Variants in NBEA observed in about 807,000 individuals in gnomAD.
The protein encoded by NBEA is lysosomal-trafficking regulator 2.
In NBEA, 44 loss-of-function variants were observed where a neutral mutation model predicts 343.4. The ratio of observed to expected loss-of-function variants is 0.13; its 90% CI spans 0.10 to 0.16. NBEA has a LOEUF of 0.16. NBEA is among the 10% of genes least tolerant of loss of function. NBEA has a pLI of 1.00. For missense variants in NBEA, 2,555 were observed against 3,631.3 expected (o/e 0.70, Z 7.62); for synonymous variants, 1,175 against 1,238.7 (o/e 0.95, Z 1.08).
Position 35,323,885 on chromosome 13 carries a change from G to A in NBEA, c.5903+14293G>A, listed in dbSNP as rs538867695. Among the ~76,000 whole-genome samples the A allele has an allele frequency of 1.9e-4, 29 of 152,094 alleles. No individual in the cohort carries two copies. In the East Asian group the frequency reaches 5.6e-3, roughly 29 times the overall value. On this transcript the variant is annotated intron_variant, in intron 36 of 58. Transcript: ENST00000379939. ...CCTATTTTGGTGTATTCATTTCTAT[G>A]CCATATTTTTCCATTTCTTATTTCT...
chr13:35,612,359 C>T (rs891282914), intron 48 of NBEA, among the ~76,000 whole-genome samples: 3 of 152,034 alleles, frequency 2.0e-5, no homozygotes, highest in African/African-American at 7.2e-5. Context: ...GTCTCGATCT[C>T]CTGACCTCAT....
At chr13:35,106,100 A>G (rs563874743) in intron 11 of NBEA, among the ~76,000 whole-genome samples, 17 of 151,996 alleles carry the variant, frequency 1.1e-4, no homozygotes, top group African/African-American at 3.9e-4. Context: ...GCCATGTCAC[A>G]TATAGTACTT....
chr13:35,636,814 C>G (rs565582516), intron 49 of NBEA, among the ~76,000 whole-genome samples: 154 of 152,316 alleles, frequency 1.0e-3, no homozygotes, highest in Non-Finnish European at 2.0e-3. Context: ...AACCAGAAAC[C>G]TGGAAGAATC....
At chr13:35,618,842 G>A (rs1456649564) in intron 48 of NBEA, among the ~76,000 whole-genome samples, 1 of 151,990 alleles carries the variant, frequency 6.6e-6, no homozygotes, top group South Asian at 2.1e-4. Flanking sequence ...TTTAGAAAAA[G>A]GCCCTTTCAC....
intron 38 of NBEA, among the ~76,000 whole-genome samples, chr13:35,391,502 T>C (rs768016070): frequency 4.4e-4 from 67 of 152,302 alleles, no homozygotes; most frequent in Non-Finnish European, 8.1e-4. Flanking sequence ...TGAAGATGGT[T>C]AAAGATTTAC....
At chr13:35,133,542 A>G (rs1046898746) in intron 17 of NBEA, among the ~76,000 whole-genome samples, 1 of 152,106 alleles carries the variant, frequency 6.6e-6, no homozygotes, top group Non-Finnish European at 1.5e-5. Context: ...TAACATTGCT[A>G]ATATTAAAAG....
At chr13:35,613,733 A>T (rs904635506) in intron 48 of NBEA, among the ~76,000 whole-genome samples, 3 of 151,738 alleles carry the variant, frequency 2.0e-5, no homozygotes, top group African/African-American at 7.3e-5. Flanking sequence ...TGATCCTCCC[A>T]CCTCAGCCTC....
chr13:35,183,920 C>T, intron 29 of NBEA, 56 bp from the exon 30 acceptor site: 1 of 1,257,138 alleles, frequency 8.0e-7, no homozygotes, highest in Non-Finnish European at 1.1e-6. Flanking sequence ...TTCAGTGGAC[C>T]ATGTGGCAGG....
intron 1 of NBEA, among the ~76,000 whole-genome samples, chr13:34,981,658 G>C (rs911809054): frequency 7.9e-5 from 12 of 151,652 alleles, no homozygotes; most frequent in African/African-American, 2.9e-4. Flanking sequence ...TAATGTCCTT[G>C]TCAGGTTTTG....
chr13:35,332,564 A>G (rs1700892298), intron 36 of NBEA, among the ~76,000 whole-genome samples: 1 of 152,142 alleles, frequency 6.6e-6, no homozygotes, highest in Non-Finnish European at 1.5e-5. Flanking sequence ...ATGTAGACAG[A>G]CATTTCTATA....
intron 38 of NBEA, among the ~76,000 whole-genome samples, chr13:35,378,376 A>G (rs7983706): frequency 2.0e-5 from 3 of 152,002 alleles, no homozygotes; most frequent in Non-Finnish European, 4.4e-5. Context: ...TCAGAAAATA[A>G]AATAGGTCAT....
chr13:35,635,560 T>C (rs1219501109), intron 49 of NBEA, among the ~76,000 whole-genome samples: 4 of 152,036 alleles, frequency 2.6e-5, no homozygotes, highest in Non-Finnish European at 4.4e-5. Flanking sequence ...GGAGTGAAAA[T>C]ACGTATTTGG....
intron 38 of NBEA, among the ~76,000 whole-genome samples, chr13:35,416,765 G>A (rs1014729545): frequency 6.6e-6 from 1 of 152,126 alleles, no homozygotes. Context: ...ATGAATTAGG[G>A]AGGATTCCCT....
At chr13:35,604,836 G>A (rs34474376) in intron 47 of NBEA, among the ~76,000 whole-genome samples, 1 of 151,910 alleles carries the variant, frequency 6.6e-6, no homozygotes, top group African/African-American at 2.4e-5. Flanking sequence ...TTTCATCTTA[G>A]CCATGCTCCA....
intron 56 of NBEA, among the ~76,000 whole-genome samples, chr13:35,666,076 G>A (rs143876307): frequency 7.0e-4 from 107 of 152,292 alleles, no homozygotes; most frequent in African/African-American, 2.5e-3. Context: ...CCTGGGTGCT[G>A]CTGGAGTATC....
At chr13:35,239,693 A>G (rs2029883125) in intron 34 of NBEA, among the ~76,000 whole-genome samples, 3 of 152,036 alleles carry the variant, frequency 2.0e-5, no homozygotes, top group East Asian at 1.9e-4. Flanking sequence ...CCCATATTCT[A>G]TAGGTATATG....
At chr13:35,220,405 A>C (rs542152665) in intron 33 of NBEA, among the ~76,000 whole-genome samples, 40 of 152,176 alleles carry the variant, frequency 2.6e-4, no homozygotes, top group Non-Finnish European at 5.1e-4. Context: ...TTTGCCTGTC[A>C]TGAATTTTTA....
intron 41 of NBEA, among the ~76,000 whole-genome samples, chr13:35,527,927 G>A (rs2078064286): frequency 6.6e-6 from 1 of 152,178 alleles, no homozygotes; most frequent in Non-Finnish European, 1.5e-5. Context: ...TCACTGGGAG[G>A]TGAAAGTTGC....
intron 38 of NBEA, among the ~76,000 whole-genome samples, chr13:35,417,466 T>TTTGTTTCTGCC (rs1263777998): frequency 1.6e-4 from 25 of 152,302 alleles, no homozygotes; most frequent in African/African-American, 4.8e-4. Context: ...AAAGAACATC[T>TTTGTTTCTGCC]TTGTTTCTGC....
Sources: allele counts gnomAD v4.1 joint callset (sites outside exome capture counted in the v4.1 genomes callset), GRCh38; gene constraint gnomAD v4.1.1; transcripts MANE v1.5; gene names NCBI Gene and HGNC (gene_info 2026-07-23, HGNC 2026-07-21).